The following SETD2 variants were observed in gnomAD, a reference collection of about 807,000 sequenced individuals.
SETD2 encodes histone-lysine N-methyltransferase SETD2.
SETD2 carries 31 observed loss-of-function variants against 242.1 expected under a neutral mutation model. That is an observed-to-expected ratio of 0.13 (90% CI 0.10 to 0.17). The LOEUF (loss-of-function observed/expected upper bound fraction) is 0.17. Ranked by LOEUF, SETD2 falls within the 10% of genes least tolerant of loss-of-function variation. SETD2 has a pLI of 1.00. For missense variants in SETD2, 2,481 were observed against 3,046.3 expected (o/e 0.81, Z 4.37); for synonymous variants, 1,006 against 1,066.5 (o/e 0.94, Z 1.11).
At chr3:47,097,381 T>C (rs2042050268) in intron 9 of SETD2, among the ~76,000 whole-genome samples, 1 of 152,176 alleles carries the variant, frequency 6.6e-6, no homozygotes, top group African/African-American at 2.4e-5. Context: ...CTTTTTGCAA[T>C]TGATAGTCCC....
At chr3:47,027,343 A>AAG in intron 18 of SETD2, among the ~76,000 whole-genome samples, 1 of 43,218 alleles carries the variant, frequency 2.3e-5, no homozygotes, top group Middle Eastern at 0.011. Context: ...TCTCAAAAAA[A>AAG]AAAAAAAAAA....
At position 47,163,927 on chromosome 3, in the gene SETD2, G is replaced by A; in HGVS notation, c.-3C>T. The A allele has an allele frequency of 7.7e-7, 1 of 1,299,596 alleles. No individual in the cohort carries two copies. The highest frequency in any genetic ancestry group is 9.8e-7 in the Non-Finnish European group (1 of 1,019,100). The allele number at this position is 1,299,596 out of a possible 1,614,324, so 80.5% of individuals were successfully genotyped here. A position where few individuals can be genotyped will look rare whatever the true frequency, so the allele number is the denominator to read the frequency against. ...GGCTGCGGCTGCAGCTGCTTCATCG[G>A]GAGCGGCTGGAGACGGCGACGCGAG... is the stretch of plus-strand genomic sequence containing the variant. On this transcript the variant is annotated 5_prime_UTR_variant, in exon 1 of 21. Coordinates refer to ENST00000409792, the MANE Select transcript of SETD2 (RefSeq NM_014159.7).
At chr3:47,089,726 A>C (rs1388979471) in intron 9 of SETD2, among the ~76,000 whole-genome samples, 2 of 152,188 alleles carry the variant, frequency 1.3e-5, no homozygotes, top group African/African-American at 4.8e-5. Context: ...CCAAACAAGG[A>C]AGCATTAACT....
intron 1 of SETD2, among the ~76,000 whole-genome samples, chr3:47,154,502 A>G (rs2044080269): frequency 6.6e-6 from 1 of 152,202 alleles, no homozygotes; most frequent in African/African-American, 2.4e-5. Flanking sequence ...ACATACAGTA[A>G]TATGACTCCA....
intron 1 of SETD2, among the ~76,000 whole-genome samples, chr3:47,146,625 T>TAA (rs60453399): frequency 9.2e-4 from 127 of 138,572 alleles, no homozygotes; most frequent in Middle Eastern, 3.8e-3. Flanking sequence ...AGACTCCGTC[T>TAA]AAAAAAAAAA....
chr3:47,075,218 G>A (rs2041005696), intron 12 of SETD2, among the ~76,000 whole-genome samples: 1 of 151,678 alleles, frequency 6.6e-6, no homozygotes, highest in Admixed American at 6.6e-5. Context: ...TATGACATTA[G>A]AATGAATTCA....
intron 17 of SETD2, 116 bp from the exon 18 acceptor site, chr3:47,037,893 C>G: frequency 1.4e-6 from 1 of 736,700 alleles, no homozygotes; most frequent in South Asian, 1.5e-5. Context: ...TAGAATAAGT[C>G]AGCTCCATGA....
chr3:47,019,065 A>G (rs2038103313), intron 19 of SETD2, among the ~76,000 whole-genome samples: 1 of 152,220 alleles, frequency 6.6e-6, no homozygotes, highest in African/African-American at 2.4e-5. Flanking sequence ...CAGTGAATGA[A>G]GATTGGAGTT....
intron 18 of SETD2, among the ~76,000 whole-genome samples, chr3:47,031,035 A>G (rs2038743106): frequency 6.6e-6 from 1 of 152,252 alleles, no homozygotes; most frequent in Non-Finnish European, 1.5e-5. Context: ...TTCTGGAAAA[A>G]GCAAAACTAT....
intron 15 of SETD2, among the ~76,000 whole-genome samples, chr3:47,056,099 TTTA>T (rs2040066796): frequency 2.1e-3 from 88 of 41,992 alleles, no homozygotes; most frequent in African/African-American, 5.7e-3. Flanking sequence ...ATGATTTTTA[TTTA>T]TTTATTTATT....
chr3:47,055,874 G>A (rs1338811773), intron 15 of SETD2, among the ~76,000 whole-genome samples: 8 of 150,972 alleles, frequency 5.3e-5, no homozygotes, highest in South Asian at 2.1e-4. Context: ...TTAGCCAGGC[G>A]TGGTGGTGGG....
At chr3:47,130,287 C>T (rs2043447485) in intron 1 of SETD2, among the ~76,000 whole-genome samples, 1 of 151,958 alleles carries the variant, frequency 6.6e-6, no homozygotes, top group South Asian at 2.1e-4. Flanking sequence ...AGGGTAGGGA[C>T]AAGATATTGG....
chr3:47,018,139 C>T (rs777646321), intron 19 of SETD2, among the ~76,000 whole-genome samples: 24 of 152,298 alleles, frequency 1.6e-4, no homozygotes, highest in South Asian at 8.3e-4. Flanking sequence ...TTCTATGAGG[C>T]TTAGCAATCC....
At chr3:47,143,090 C>T (rs1364306381) in intron 1 of SETD2, among the ~76,000 whole-genome samples, 1 of 152,046 alleles carries the variant, frequency 6.6e-6, no homozygotes, top group Non-Finnish European at 1.5e-5. Flanking sequence ...CCAAGGAGCT[C>T]AAGACTAGTC....
rs1575818079 is a variant in SETD2 at position 47,123,425 on chromosome 3, C to G, written c.1211G>C (p.Arg404Thr). The G allele has an allele frequency of 6.4e-7, 1 of 1,551,674 alleles. No homozygotes were observed. Among genetic ancestry groups the G allele is most frequent in the East Asian group, 2.4e-5 (1 of 40,926 alleles). ...GCCTCTCTCAGACCTAGAGTGAGATCTGCTCCGCCGTCGCTCTCTTTCTGA... is the reference window on the plus strand; with the variant it reads ...GCCTCTCTCAGACCTAGAGTGAGATGTGCTCCGCCGTCGCTCTCTTTCTGA... ...CRSERERRRSRSHSRSERGSR... is the reference protein window; with the variant it reads ...CRSERERRRSTSHSRSERGSR... The change falls in exon 3 of 21, where the codon AGA becomes ACA. Residue 404 changes from arginine to threonine, a missense_variant. By Grantham distance (71) the Arg-to-Thr change is moderately conservative (BLOSUM62 -1). Around this residue, in one of 17 missense-constraint regions of SETD2, gnomAD observed 1,300 missense variants for 1,259.2 expected, o/e 1.03. Coordinates refer to ENST00000409792, the MANE Select transcript of SETD2 (RefSeq NM_014159.7).
chr3:47,041,462 G>A (rs1003733688), intron 17 of SETD2: 1 of 308,446 alleles, frequency 3.2e-6, no homozygotes, highest in African/African-American at 2.2e-5. Context: ...ATCAGTCTGG[G>A]CAACAAAGAA....
At chr3:47,073,083 T>C (rs2040897156) in intron 12 of SETD2, among the ~76,000 whole-genome samples, 1 of 150,592 alleles carries the variant, frequency 6.6e-6, no homozygotes, top group Non-Finnish European at 1.5e-5. Flanking sequence ...CCAGGAGGTT[T>C]GAGGTTCCAG....
At chr3:47,088,381 C>G in intron 9 of SETD2, 134 bp from the exon 10 acceptor site, 1 of 778,696 alleles carries the variant, frequency 1.3e-6, no homozygotes, top group Non-Finnish European at 2.0e-6. Context: ...AAGTACTAGA[C>G]TGGGGGAAAA....
At chr3:47,021,709 G>A (rs2038226194) in intron 18 of SETD2, among the ~76,000 whole-genome samples, 1 of 152,150 alleles carries the variant, frequency 6.6e-6, no homozygotes, top group Non-Finnish European at 1.5e-5. Context: ...ATTTGCAAAT[G>A]GCATGGGAAA....
Sources: allele counts gnomAD v4.1 joint callset (sites outside exome capture counted in the v4.1 genomes callset), GRCh38; gene constraint gnomAD v4.1.1; regional missense constraint gnomAD v4.1.1; transcripts MANE v1.5; gene names NCBI Gene and HGNC (gene_info 2026-07-23, HGNC 2026-07-21).